JAK2: variants seen among roughly 807,000 people sequenced by gnomAD.
JAK2 encodes the protein Janus kinase 2.
In JAK2, 86 loss-of-function variants were observed where a neutral mutation model predicts 139.3. The ratio of observed to expected loss-of-function variants is 0.62; its 90% CI spans 0.52 to 0.74. JAK2 has a LOEUF of 0.74. Among genes scored for constraint, JAK2 ranks in the 30% least tolerant of loss-of-function variants. The probability of loss-of-function intolerance (pLI) is 0.00; values close to 1 mark genes in which losing one functional copy is unlikely to be tolerated. For synonymous variants in JAK2, 490 were observed against 437.7 expected (o/e 1.12, Z -1.49); for missense variants, 1,421 against 1,360.3 (o/e 1.04, Z -0.70).
intron 2 of JAK2, among the ~76,000 whole-genome samples, chr9:5,012,216 G>T (rs576492516): frequency 6.6e-6 from 1 of 152,264 alleles, no homozygotes; most frequent in South Asian, 2.1e-4. Flanking sequence ...GCCCCTGCCT[G>T]TACACAACAG....
intron 24 of JAK2, 74 bp downstream of exon 24, chr9:5,126,520 C>T (rs1824010425): frequency 9.1e-7 from 1 of 1,100,768 alleles, no homozygotes; most frequent in Middle Eastern, 2.0e-4. Flanking sequence ...CAGTTCACTT[C>T]CTGAAATTTA....
At chr9:4,986,686 A>T (rs971327284) in intron 2 of JAK2, among the ~76,000 whole-genome samples, 2 of 152,082 alleles carry the variant, frequency 1.3e-5, no homozygotes, top group Admixed American at 6.5e-5. Flanking sequence ...AGTGTTTTGG[A>T]TTTTTTTTAA....
At chr9:5,045,264 A>G (rs1423627354) in intron 5 of JAK2, among the ~76,000 whole-genome samples, 1 of 152,154 alleles carries the variant, frequency 6.6e-6, no homozygotes, top group Non-Finnish European at 1.5e-5. Context: ...CAGATTTGCT[A>G]ATATTGTAGG....
intron 2 of JAK2, among the ~76,000 whole-genome samples, chr9:4,999,057 C>T (rs983682607): frequency 1.6e-4 from 24 of 152,010 alleles, no homozygotes; most frequent in African/African-American, 5.8e-4. Flanking sequence ...GATCTCCTGA[C>T]CTTGTGATCC....
intron 2 of JAK2, among the ~76,000 whole-genome samples, chr9:5,011,907 G>A (rs897066494): frequency 1.1e-4 from 16 of 152,128 alleles, no homozygotes; most frequent in Admixed American, 5.2e-4. Flanking sequence ...CTTTTCTGGC[G>A]TTTCAGTGGA....
intron 18 of JAK2, among the ~76,000 whole-genome samples, chr9:5,081,005 C>T (rs1010675439): frequency 3.3e-5 from 5 of 150,774 alleles, no homozygotes; most frequent in East Asian, 2.0e-4. Flanking sequence ...ACGCCATTCT[C>T]CTGCCTCAGC....
At chr9:5,003,977 A>G (rs1821100340) in intron 2 of JAK2, among the ~76,000 whole-genome samples, 1 of 152,116 alleles carries the variant, frequency 6.6e-6, no homozygotes, top group Non-Finnish European at 1.5e-5. Context: ...CATTGTGCTA[A>G]TAATGTAAAA....
chr9:4,994,612 T>C (rs899925734), intron 2 of JAK2, among the ~76,000 whole-genome samples: 3 of 152,236 alleles, frequency 2.0e-5, no homozygotes, highest in Non-Finnish European at 4.4e-5. Flanking sequence ...AATTCCGCCT[T>C]TGTGGTGCAA....
intron 22 of JAK2, among the ~76,000 whole-genome samples, chr9:5,104,091 G>C (rs573867108): frequency 2.6e-5 from 4 of 151,840 alleles, no homozygotes; most frequent in Admixed American, 6.6e-5. Flanking sequence ...AGGAGATAGA[G>C]ACACAACTCT....
rs781350171 is a variant in JAK2, at chr9:5,122,991, C to G, written c.3060-13C>G. The G allele has an allele frequency of 1.3e-6, 2 of 1,531,590 alleles. No individual in the cohort carries two copies. The highest frequency in any genetic ancestry group is 1.8e-6 in the Non-Finnish European group (2 of 1,115,876). 94.9% of individuals were successfully genotyped at this position (1,531,590 alleles called of 1,614,324 possible). ...AAGTAACTGTCTTTTAAATGTTATT[C>G]ATATATTTACAGGTATGCTCCAGAA... On this transcript the variant is annotated splice_polypyrimidine_tract_variant and intron_variant, in intron 22 of 24. Coordinates refer to ENST00000381652, the MANE Select transcript of JAK2 (RefSeq NM_004972.4).
At chr9:5,035,046 G>A (rs1823472410) in intron 4 of JAK2, among the ~76,000 whole-genome samples, 1 of 152,140 alleles carries the variant, frequency 6.6e-6, no homozygotes, top group South Asian at 2.1e-4. Flanking sequence ...AAATGATAAA[G>A]GGGATATCAA....
chr9:5,024,249 C>T lies in JAK2; in HGVS notation c.226+2036C>T, dbSNP rs142088178. On this transcript the variant is annotated intron_variant, in intron 3 of 24. Coordinates refer to ENST00000381652, the MANE Select transcript of JAK2 (RefSeq NM_004972.4). ...CCAGCCTGGGCGACAGAGCGAGACT[C>T]CATCTCAAAAAAAAATTTTTTTTTG... Among the ~76,000 whole-genome samples the T allele has an allele frequency of 3.7e-3, 558 of 152,108 alleles. 5 individuals carry two copies. The highest frequency in any genetic ancestry group is 0.013 in the African/African-American group (530 of 41,490).
chr9:5,099,164 C>T (rs1200294222), intron 22 of JAK2: 1 of 152,224 alleles, frequency 6.6e-6, no homozygotes, highest in Non-Finnish European at 1.5e-5. Context: ...GGCCTCAAAA[C>T]AGATGCAATC....
rs181055516 is a variant in JAK2, at chr9:5,096,375, C to T, written c.3059+5464C>T. On this transcript the variant is annotated intron_variant, in intron 22 of 24. Coordinates refer to ENST00000381652, the MANE Select transcript of JAK2 (RefSeq NM_004972.4). ...AAAACTCTATTCTGCATCAGTTGAA[C>T]GCAAATCAACCACTTTAATTAAGCT... Among the ~76,000 whole-genome samples, 33 of 152,236 alleles carry T rather than the reference C, an allele frequency of 2.2e-4. 1 individual carries two copies. The highest frequency in any genetic ancestry group is 1.7e-3 in the Admixed American group (26 of 15,294).
chr9:5,123,894 T>C (rs1260166592), intron 23 of JAK2, among the ~76,000 whole-genome samples: 1 of 149,858 alleles, frequency 6.7e-6, no homozygotes, highest in Non-Finnish European at 1.5e-5. Flanking sequence ...TTCTCTTTTT[T>C]TTTTTTGTCA....
Position 5,126,831 on chromosome 9 carries a change from G to C in JAK2, c.*40G>C. ...ATTCTGAGACCAAAGTAGATTTACA[G>C]AACAAAGTTTTATATTTCACATTGC... On this transcript the variant is annotated 3_prime_UTR_variant, in exon 25 of 25. Coordinates refer to ENST00000381652, the MANE Select transcript of JAK2 (RefSeq NM_004972.4). 8 of 1,279,386 alleles carry C rather than the reference G, an allele frequency of 6.3e-6. No individual in the cohort carries two copies. The highest frequency in any genetic ancestry group is 9.0e-6 in the Non-Finnish European group (8 of 888,304). 79.3% of individuals were successfully genotyped at this position (1,279,386 alleles called of 1,614,324 possible). A position where few individuals can be genotyped will look rare whatever the true frequency, so the allele number is the denominator to read the frequency against.
At chr9:5,058,361 T>A (rs978682642) in intron 8 of JAK2, among the ~76,000 whole-genome samples, 5 of 152,118 alleles carry the variant, frequency 3.3e-5, no homozygotes, top group African/African-American at 4.8e-5. Flanking sequence ...ATGTCTTACA[T>A]GGCAGCAGAA....
chr9:5,077,808 T>C (rs1264023502), intron 15 of JAK2, among the ~76,000 whole-genome samples: 1 of 152,232 alleles, frequency 6.6e-6, no homozygotes, highest in Non-Finnish European at 1.5e-5. Context: ...GAACTACTAA[T>C]AGACAATCTG....
At chr9:5,122,061 A>G (rs1219074306) in intron 22 of JAK2, among the ~76,000 whole-genome samples, 1 of 152,180 alleles carries the variant, frequency 6.6e-6, no homozygotes, top group African/African-American at 2.4e-5. Context: ...GACTGCCAGT[A>G]CTATAGGAAT....
Sources: allele counts gnomAD v4.1 joint callset (sites outside exome capture counted in the v4.1 genomes callset), GRCh38; gene constraint gnomAD v4.1.1; transcripts MANE v1.5; gene names NCBI Gene and HGNC (gene_info 2026-07-23, HGNC 2026-07-21).